ANXA2: variants seen among roughly 807,000 people sequenced by gnomAD.
ANXA2 encodes annexin II.
ANXA2 carries 28 observed loss-of-function variants against 47.3 expected under a neutral mutation model. The ratio of observed to expected loss-of-function variants is 0.59; its 90% CI spans 0.44 to 0.81. The LOEUF (loss-of-function observed/expected upper bound fraction) is 0.81, where lower values mean the gene tolerates loss of function less well. Among genes scored for constraint, ANXA2 ranks in the 40% least tolerant of loss-of-function variants. The probability of loss-of-function intolerance (pLI) is 0.00; values close to 1 mark genes in which losing one functional copy is unlikely to be tolerated. For synonymous variants in ANXA2, 172 were observed against 155.5 expected (o/e 1.11, Z -0.79); for missense variants, 384 against 414.3 (o/e 0.93, Z 0.64).
chr15:60,393,216 A>G (rs568714903), intron 1 of ANXA2: 5 of 1,127,726 alleles, frequency 4.4e-6, no homozygotes, highest in African/African-American at 1.7e-5. Context: ...ATCTGAATCA[A>G]TATTTGTTTG....
chr15:60,357,308 T>G, intron 5 of ANXA2, 72 bp from the exon 6 acceptor site: 1 of 1,283,150 alleles, frequency 7.8e-7, no homozygotes, highest in African/African-American at 1.5e-5. Flanking sequence ...CTGATCTCCA[T>G]CAAGTAAATT....
intron 4 of ANXA2, among the ~76,000 whole-genome samples, chr15:60,364,127 A>G (rs2062557166): frequency 1.3e-5 from 2 of 152,178 alleles, no homozygotes; most frequent in Admixed American, 1.3e-4. Context: ...TCTCAGATCA[A>G]CGGTGGCATG....
At chr15:60,351,665 T>A in intron 10 of ANXA2, 59 bp downstream of exon 10, 5 of 1,101,110 alleles carry the variant, frequency 4.5e-6, no homozygotes, top group Middle Eastern at 2.0e-4. Flanking sequence ...AGGATGGCCA[T>A]CTGTCACTTC....
chr15:60,368,926 C>T (rs1181803809), intron 3 of ANXA2, among the ~76,000 whole-genome samples: 2 of 152,142 alleles, frequency 1.3e-5, no homozygotes, highest in East Asian at 1.9e-4. Flanking sequence ...TTCCAAACAT[C>T]GTAAGACAAG....
intron 3 of ANXA2, among the ~76,000 whole-genome samples, chr15:60,366,811 G>GGC (rs2062619971): frequency 7.9e-6 from 1 of 126,908 alleles, no homozygotes; most frequent in African/African-American, 3.5e-5. Context: ...GCGGGGGGGG[G>GGC]GGGGGTCGGC....
At chr15:60,397,812 GC>G in intron 1 of ANXA2, 130 bp downstream of exon 1, 1 of 1,336,282 alleles carries the variant, frequency 7.5e-7, no homozygotes, top group Non-Finnish European at 9.6e-7. Context: ...CGTCCCTTCA[GC>G]CCCCTGCCCC....
At chr15:60,361,178 G>C (rs1436221801) in intron 4 of ANXA2, 124 bp from the exon 5 acceptor site, 4 of 694,078 alleles carry the variant, frequency 5.8e-6, no homozygotes, top group Non-Finnish European at 1.1e-5. Context: ...CCGGAGTCTT[G>C]GGTCAAACGC....
chr15:60,353,242 G>C (rs1356351161), intron 8 of ANXA2, among the ~76,000 whole-genome samples: 1 of 152,166 alleles, frequency 6.6e-6, no homozygotes, highest in Non-Finnish European at 1.5e-5. Context: ...GTTCATTGCA[G>C]TCTGAATAAG....
intron 1 of ANXA2, chr15:60,393,022 C>T (rs1566952086): frequency 7.8e-7 from 1 of 1,285,124 alleles, no homozygotes; most frequent in Non-Finnish European, 1.0e-6. Flanking sequence ...CCTACTGCAT[C>T]TTTATTTATC....
intron 2 of ANXA2, chr15:60,383,469 C>T (rs2062891406): frequency 6.6e-6 from 1 of 152,224 alleles, no homozygotes; most frequent in Admixed American, 6.5e-5. Context: ...CCTGATCTGA[C>T]AGATGGGAAT....
intron 1 of ANXA2, chr15:60,390,173 C>A (rs930226142): frequency 2.3e-5 from 15 of 666,564 alleles, no homozygotes; most frequent in East Asian, 1.3e-4. Flanking sequence ...AAAAAAAAAA[C>A]AAAACACAAA....
rs1162199726 is a variant in ANXA2 at position 60,357,297 on chromosome 15, T to C, written c.358-61A>G. The C allele has an allele frequency of 5.1e-6, 7 of 1,382,592 alleles. No homozygotes were observed. In the Admixed American group the frequency reaches 6.8e-5, roughly 13 times the overall value. 85.6% of individuals were successfully genotyped at this position (1,382,592 alleles called of 1,614,324 possible). ...TGCTTCCCCACCATTAGCCTACTTCTCTGATCTCCATCAAGTAAATTGCAA... is the reference window on the plus strand; with the variant it reads ...TGCTTCCCCACCATTAGCCTACTTCCCTGATCTCCATCAAGTAAATTGCAA... On this transcript the variant is annotated intron_variant, in intron 5 of 12. Transcript: ENST00000451270.
intron 5 of ANXA2, among the ~76,000 whole-genome samples, chr15:60,358,712 C>A (rs1157879680): frequency 2.0e-5 from 3 of 152,178 alleles, no homozygotes; most frequent in African/African-American, 7.2e-5. Flanking sequence ...ATACAGCATT[C>A]TACACAAATG....
chr15:60,387,903 C>G (rs562778328), intron 1 of ANXA2, among the ~76,000 whole-genome samples: 1 of 152,096 alleles, frequency 6.6e-6, no homozygotes, highest in African/African-American at 2.4e-5. Flanking sequence ...AAAATGAAGA[C>G]AATCGGCCGG....
chr15:60,385,362 T>C (rs773564787), intron 2 of ANXA2, among the ~76,000 whole-genome samples: 8 of 152,070 alleles, frequency 5.3e-5, no homozygotes, highest in Non-Finnish European at 1.2e-4. Flanking sequence ...AGTCAAGAGA[T>C]CAAAACCATC....
In ANXA2 at chr15:60,356,012, A is replaced by G; in HGVS notation, c.449-14T>C. ...CAGTCTTGTACACTTGGAGGAAAAT[A>G]CATCTGGTTTTATGCTTTCTGCCTG... On this transcript the variant is annotated splice_polypyrimidine_tract_variant and intron_variant, in intron 6 of 12. Transcript: ENST00000451270. The G allele has an allele frequency of 6.2e-7, 1 of 1,606,178 alleles. No individual in the cohort carries two copies. The highest frequency in any genetic ancestry group is 8.5e-7 in the Non-Finnish European group (1 of 1,173,008).
chr15:60,397,381 T>G lies in ANXA2; in HGVS notation c.-12+562A>C, dbSNP rs190673912. 1,760 of 947,784 alleles carry G rather than the reference T, an allele frequency of 1.9e-3. 21 individuals carry two copies. In the African/African-American group the frequency reaches 0.03, roughly 16 times the overall value. The allele number at this position is 947,784 out of a possible 1,614,324, so 58.7% of individuals were successfully genotyped here. A position where few individuals can be genotyped will look rare whatever the true frequency, so the allele number is the denominator to read the frequency against. On this transcript the variant is annotated intron_variant, in intron 1 of 12. Coordinates refer to ENST00000451270, the MANE Select transcript of ANXA2 (RefSeq NM_004039.3). ...ACTGACGTTTTAATGTCTTCTTTTA[T>G]GGGGGGCTGAGGGGTGCCTACTCAC...
At chr15:60,381,962 A>G (rs2062865980) in intron 3 of ANXA2, among the ~76,000 whole-genome samples, 1 of 146,618 alleles carries the variant, frequency 6.8e-6, no homozygotes, top group African/African-American at 2.5e-5. Context: ...TGGTTAAAAT[A>G]CTATCTCATG....
At chr15:60,364,093 C>CGT (rs1566936617) in intron 4 of ANXA2, among the ~76,000 whole-genome samples, 5 of 152,194 alleles carry the variant, frequency 3.3e-5, no homozygotes, top group African/African-American at 1.2e-4. Context: ...CTAAAGCGAG[C>CGT]GTGACCATCT....
Sources: allele counts gnomAD v4.1 joint callset (sites outside exome capture counted in the v4.1 genomes callset), GRCh38; gene constraint gnomAD v4.1.1; transcripts MANE v1.5; gene names NCBI Gene and HGNC (gene_info 2026-07-23, HGNC 2026-07-21).